GRIK2: variants seen among roughly 807,000 people sequenced by gnomAD.
GRIK2 encodes glutamate ionotropic receptor kainate type subunit 2, also known as glutamate receptor ionotropic, kainate 2.
In GRIK2, 32 loss-of-function variants were observed where a neutral mutation model predicts 100.3. That is an observed-to-expected ratio of 0.32 (90% CI 0.24 to 0.43). GRIK2 has a LOEUF of 0.43. Ranked by LOEUF, GRIK2 falls within the 20% of genes least tolerant of loss-of-function variation. The pLI is 1.00. For missense variants in GRIK2, 843 were observed against 1,114.9 expected (o/e 0.76, Z 3.47); for synonymous variants, 417 against 389.4 (o/e 1.07, Z -0.83).
rs148111897 is a variant in GRIK2, at chr6:101,716,606, G to A, written c.951+30253G>A. Among the ~76,000 whole-genome samples, 3 of 105,286 alleles carry A rather than the reference G, an allele frequency of 2.8e-5. No homozygotes were observed. In the Admixed American group the frequency reaches 4.0e-4, roughly 14 times the overall value. 69.1% of individuals were successfully genotyped at this position (105,286 alleles called of 152,430 possible). On this transcript the variant is annotated intron_variant, in intron 7 of 16. Coordinates refer to ENST00000369134, the MANE Select transcript of GRIK2 (RefSeq NM_021956.5). The stretch of plus-strand genomic sequence containing the variant: ...TCTTCAGAGCCTCCTGTCCTGGGGT[G>A]GGGGGAGGGGGGAGGGATAGCATTA...
chr6:101,929,031 A>T (rs1049253373), intron 14 of GRIK2, among the ~76,000 whole-genome samples: 10 of 152,202 alleles, frequency 6.6e-5, no homozygotes, highest in African/African-American at 2.4e-4. Context: ...TCCCATACGT[A>T]CATTTACTTT....
At chr6:101,929,842 G>A (rs141093336) in intron 14 of GRIK2, among the ~76,000 whole-genome samples, 1 of 152,014 alleles carries the variant, frequency 6.6e-6, no homozygotes, top group Non-Finnish European at 1.5e-5. Context: ...ATTAAGTATT[G>A]GATATGGATT....
chr6:101,806,509 C>T (rs1253595658), intron 9 of GRIK2, among the ~76,000 whole-genome samples: 1 of 151,954 alleles, frequency 6.6e-6, no homozygotes, highest in African/African-American at 2.4e-5. Flanking sequence ...CCTGTCATCC[C>T]TCTGTTTAAA....
intron 3 of GRIK2, among the ~76,000 whole-genome samples, chr6:101,624,601 C>G (rs1236217916): frequency 6.6e-6 from 1 of 152,078 alleles, no homozygotes. Context: ...ATAAACTATC[C>G]ATTTTGGAGG....
intron 7 of GRIK2, among the ~76,000 whole-genome samples, chr6:101,741,716 A>G (rs1411854425): frequency 6.6e-6 from 1 of 152,134 alleles, no homozygotes; most frequent in East Asian, 1.9e-4. Context: ...CTTTAATCAG[A>G]TAAGGGATGT....
intron 10 of GRIK2, among the ~76,000 whole-genome samples, chr6:101,855,812 G>C (rs1244253197): frequency 1.4e-5 from 1 of 69,512 alleles, no homozygotes; most frequent in Non-Finnish European, 2.7e-5. Context: ...ACTTTCTGGG[G>C]AGAATGGACT....
chr6:101,725,602 T>C (rs1250292824), intron 7 of GRIK2, among the ~76,000 whole-genome samples: 1 of 151,910 alleles, frequency 6.6e-6, no homozygotes, highest in Non-Finnish European at 1.5e-5. Flanking sequence ...TCAGAAAAGA[T>C]GTAATATTTT....
At position 101,690,035 on chromosome 6, in the gene GRIK2, C is replaced by T. The variant is rs534018219; in HGVS notation, c.951+3682C>T. Among the ~76,000 whole-genome samples the T allele has an allele frequency of 9.5e-4, 145 of 152,130 alleles. 6 individuals are homozygous for T. In the South Asian group the frequency reaches 0.029, roughly 30 times the overall value. ...TTTTGAACCAGTGCCAATCAGAGCC[C>T]GACAATGGTGATACTTGTTATTGAT... On this transcript the variant is annotated intron_variant, in intron 7 of 16. Coordinates refer to ENST00000369134, the MANE Select transcript of GRIK2 (RefSeq NM_021956.5).
intron 2 of GRIK2, among the ~76,000 whole-genome samples, chr6:101,417,571 G>A (rs1342111576): frequency 6.6e-6 from 1 of 152,118 alleles, no homozygotes; most frequent in East Asian, 1.9e-4. Flanking sequence ...TACTTTGCCT[G>A]CACACAGATA....
intron 2 of GRIK2, among the ~76,000 whole-genome samples, chr6:101,572,343 C>T (rs2023611): frequency 0.088 from 13,352 of 151,964 alleles, 1,569 homozygotes; most frequent in African/African-American, 0.27. Context: ...CTCATACCAC[C>T]GCTCTTTCTC....
In GRIK2 at chr6:102,068,625, C is replaced by A; in HGVS notation, c.*114C>A. On this transcript the variant is annotated 3_prime_UTR_variant, in exon 17 of 17. Transcript: ENST00000369134. ...GCAAAATAAAATGAGTTACCTCATG[C>A]CGCTGTGTCTATGAACTAGAGACTC... is the stretch of plus-strand genomic sequence containing the variant. 2.5e-6 allele frequency: 2 copies of A among 813,514 alleles called. No individual in the cohort carries two copies. Among genetic ancestry groups the A allele is most frequent in the Non-Finnish European group, 3.9e-6 (2 of 513,432 alleles). The allele number at this position is 813,514 out of a possible 1,614,324, so 50.4% of individuals were successfully genotyped here.
chr6:102,013,746 A>G (rs1282083373), intron 14 of GRIK2, among the ~76,000 whole-genome samples: 2 of 152,158 alleles, frequency 1.3e-5, no homozygotes, highest in Admixed American at 1.3e-4. Flanking sequence ...TGATTTGTGT[A>G]TGCTGAACCA....
At chr6:101,776,681 C>T (rs1350901983) in intron 7 of GRIK2, among the ~76,000 whole-genome samples, 2 of 152,136 alleles carry the variant, frequency 1.3e-5, no homozygotes, top group Non-Finnish European at 2.9e-5. Context: ...TACCACTCAT[C>T]TTTATTCTTG....
chr6:101,846,887 C>A (rs1783843577), intron 10 of GRIK2, among the ~76,000 whole-genome samples: 1 of 151,072 alleles, frequency 6.6e-6, no homozygotes, highest in Non-Finnish European at 1.5e-5. Flanking sequence ...TTTGCTATTA[C>A]TTTTTTCTTG....
intron 2 of GRIK2, among the ~76,000 whole-genome samples, chr6:101,595,698 A>ATGTG (rs200462444): frequency 0.084 from 11,485 of 136,578 alleles, 597 homozygotes; most frequent in Admixed American, 0.14. Flanking sequence ...GTATATATAT[A>ATGTG]TGTGTGTGTG....
intron 2 of GRIK2, among the ~76,000 whole-genome samples, chr6:101,614,162 C>A (rs1269845425): frequency 2.0e-5 from 3 of 151,524 alleles, no homozygotes; most frequent in Non-Finnish European, 4.4e-5. Context: ...GATAATAGTG[C>A]AATTTTAGTG....
chr6:101,452,033 A>G (rs1386026807), intron 2 of GRIK2, among the ~76,000 whole-genome samples: 2 of 151,796 alleles, frequency 1.3e-5, no homozygotes, highest in African/African-American at 4.8e-5. Context: ...AAATCATGCT[A>G]TGTATATATT....
intron 2 of GRIK2, among the ~76,000 whole-genome samples, chr6:101,442,254 G>C (rs2128246460): frequency 6.6e-6 from 1 of 152,244 alleles, no homozygotes; most frequent in South Asian, 2.1e-4. Context: ...GGAGGATGGA[G>C]TTTGTTGGGA....
chr6:101,541,460 C>A (rs1484467451), intron 2 of GRIK2, among the ~76,000 whole-genome samples: 2 of 150,254 alleles, frequency 1.3e-5, no homozygotes, highest in African/African-American at 4.9e-5. Context: ...ACCAAACAAA[C>A]AAACTGGGAT....
Sources: allele counts gnomAD v4.1 joint callset (sites outside exome capture counted in the v4.1 genomes callset), GRCh38; gene constraint gnomAD v4.1.1; transcripts MANE v1.5; gene names NCBI Gene and HGNC (gene_info 2026-07-23, HGNC 2026-07-21).